The following OPHN1 variants were observed in gnomAD, a reference collection of about 807,000 sequenced individuals.
OPHN1 encodes oligophrenin-1.
OPHN1 carries 11 observed loss-of-function variants against 60.7 expected under a neutral mutation model. The observed-to-expected ratio is 0.18, with a 90% confidence interval of 0.11 to 0.30. The LOEUF (loss-of-function observed/expected upper bound fraction) is 0.30, where lower values mean the gene tolerates loss of function less well. Ranked by LOEUF, OPHN1 falls within the 10% of genes least tolerant of loss-of-function variation. The probability of loss-of-function intolerance (pLI) is 1.00; values close to 1 mark genes in which losing one functional copy is unlikely to be tolerated. For missense variants in OPHN1, 449 were observed against 611.0 expected (o/e 0.73, Z 2.80); for synonymous variants, 226 against 222.6 (o/e 1.02, Z -0.14).
chrX:68,421,739 T>C (rs1239619053), intron 2 of OPHN1, among the ~76,000 whole-genome samples: 3 of 112,025 alleles, frequency 2.7e-5, no homozygotes, highest in African/African-American at 9.7e-5. Flanking sequence ...AAGAACTGCC[T>C]TGGAGTTCCT....
At chrX:68,094,224 G>T (rs1361193351) in intron 19 of OPHN1, among the ~76,000 whole-genome samples, 1 of 111,031 alleles carries the variant, frequency 9.0e-6, no homozygotes, top group Non-Finnish European at 1.9e-5. Flanking sequence ...ACTCTGTAGG[G>T]CTATTTGTGG....
rs191743068 is a variant in OPHN1, at chrX:68,053,619, C to T, written c.2324+26G>A. The T allele has an allele frequency of 7.8e-4, 943 of 1,204,871 alleles. 1 individual carries two copies. The highest frequency in any genetic ancestry group is 8.6e-4 in the Non-Finnish European group (764 of 891,202). ...TAGTGGCCTAGTACAGGACTTCAGT[C>T]AACTTTGAGGTACAACCCTACTTAC... On this transcript the variant is annotated intron_variant, in intron 22 of 24. Transcript: ENST00000355520.
intron 15 of OPHN1, among the ~76,000 whole-genome samples, chrX:68,168,288 A>G (rs1211313299): frequency 2.7e-5 from 3 of 111,537 alleles, no homozygotes; most frequent in Non-Finnish European, 5.6e-5. Flanking sequence ...AAGATCAGAA[A>G]TTATAACAAA....
At chrX:68,354,301 T>C (rs1428347845) in intron 2 of OPHN1, among the ~76,000 whole-genome samples, 1 of 103,876 alleles carries the variant, frequency 9.6e-6, no homozygotes, top group African/African-American at 3.5e-5. Flanking sequence ...AAAAATTAGC[T>C]GGGCGTGGTT....
chrX:68,386,876 G>A (rs1393070829), intron 2 of OPHN1, among the ~76,000 whole-genome samples: 2 of 112,017 alleles, frequency 1.8e-5, no homozygotes, highest in Admixed American at 9.5e-5. Context: ...AGCTGTGTGG[G>A]TCGGTTTATT....
At position 68,116,714 on chromosome X, in the gene OPHN1, T is replaced by C. The variant is rs149291437; in HGVS notation, c.1361+2534A>G. ...TTCGACATATCCAAATTCCAACTTA[T>C]TGCCTCCCTCAAACTTAGTCTTCTT... On this transcript the variant is annotated intron_variant, in intron 16 of 24. Transcript: ENST00000355520. Among the ~76,000 whole-genome samples, 315 of 111,795 alleles carry C rather than the reference T, an allele frequency of 2.8e-3. 2 individuals carry two copies. Among genetic ancestry groups the C allele is most frequent in the African/African-American group, 9.5e-3 (294 of 30,798 alleles).
chrX:68,166,407 G>A (rs1373296056), intron 15 of OPHN1, among the ~76,000 whole-genome samples: 7 of 110,833 alleles, frequency 6.3e-5, no homozygotes, highest in Admixed American at 2.9e-4. Context: ...GGTGGCGGGC[G>A]CCTGTAATCC....
intron 18 of OPHN1, among the ~76,000 whole-genome samples, chrX:68,104,750 G>A (rs763141279): frequency 1.1e-4 from 12 of 111,942 alleles, no homozygotes; most frequent in African/African-American, 1.9e-4. Flanking sequence ...ATAGGCATGC[G>A]CAATGACTTC....
intron 2 of OPHN1, among the ~76,000 whole-genome samples, chrX:68,327,091 G>A (rs1222235895): frequency 5.1e-5 from 1 of 19,653 alleles, no homozygotes; most frequent in Non-Finnish European, 7.0e-5. Context: ...GCCTCTGCCC[G>A]GCCGCCCCTA....
chrX:68,239,280 G>A (rs2077768813), intron 5 of OPHN1, among the ~76,000 whole-genome samples: 2 of 111,346 alleles, frequency 1.8e-5, no homozygotes, highest in South Asian at 3.9e-4. Context: ...GTGTCCTCCT[G>A]GTATCTGCTG....
At position 68,379,754 on chromosome X, in the gene OPHN1, C is replaced by T. The variant is rs775971926; in HGVS notation, c.154+53113G>A. ...CATTCATTGATTTGCGTATATTGAACCAGCCTTGCATCCCAGGGATGAAGC... is the reference window on the plus strand; with the variant it reads ...CATTCATTGATTTGCGTATATTGAATCAGCCTTGCATCCCAGGGATGAAGC... On this transcript the variant is annotated intron_variant, in intron 2 of 24. Coordinates refer to ENST00000355520, the MANE Select transcript of OPHN1 (RefSeq NM_002547.3). 2.6e-3 allele frequency among the ~76,000 whole-genome samples: 281 copies of T among 109,213 alleles called. 2 individuals are homozygous for T. The highest frequency in any genetic ancestry group is 9.4e-3 in the African/African-American group (274 of 29,093). 94.8% of individuals were successfully genotyped at this position (109,213 alleles called of 115,157 possible). A position where few individuals can be genotyped will look rare whatever the true frequency, so the allele number is the denominator to read the frequency against.
chrX:68,156,311 A>C (rs1483793070), intron 15 of OPHN1, among the ~76,000 whole-genome samples: 1 of 109,399 alleles, frequency 9.1e-6, no homozygotes, highest in Non-Finnish European at 1.9e-5. Flanking sequence ...AGGTAAAAAA[A>C]AAAAAACACA....
Position 68,389,657 on chromosome X carries a change from TA to T in OPHN1, c.154+43209del, listed in dbSNP as rs34892434. On this transcript the variant is annotated intron_variant, in intron 2 of 24. Coordinates refer to ENST00000355520, the MANE Select transcript of OPHN1 (RefSeq NM_002547.3). ...GAAGATATTAATATGTGTGATTTAG[TA>T]AAAAAAAAAAAAGCCATAAAAATCA... 1.7e-3 allele frequency among the ~76,000 whole-genome samples: 148 copies of T among 88,529 alleles called. 1 individual carries two copies. The highest frequency in any genetic ancestry group is 5.5e-3 in the African/African-American group (134 of 24,311). 76.9% of individuals were successfully genotyped at this position (88,529 alleles called of 115,157 possible). A position where few individuals can be genotyped will look rare whatever the true frequency, so the allele number is the denominator to read the frequency against.
intron 19 of OPHN1, among the ~76,000 whole-genome samples, chrX:68,086,348 G>A (rs2076995856): frequency 9.0e-6 from 1 of 111,361 alleles, no homozygotes; most frequent in African/African-American, 3.3e-5. Context: ...AGGTGGAAAT[G>A]GTGGTACTAG....
At chrX:68,403,718 C>G in intron 2 of OPHN1, among the ~76,000 whole-genome samples, 1 of 109,940 alleles carries the variant, frequency 9.1e-6, no homozygotes, top group Non-Finnish European at 1.9e-5. Flanking sequence ...TCAAATGTGC[C>G]TTGTGTACGA....
chrX:68,374,226 C>T (rs2078544356), intron 2 of OPHN1, among the ~76,000 whole-genome samples: 1 of 109,135 alleles, frequency 9.2e-6, no homozygotes. Context: ...CGTGGTGCCG[C>T]ACGCATGTAG....
At chrX:68,096,792 A>G in intron 19 of OPHN1, 78 bp downstream of exon 19, 1 of 1,014,585 alleles carries the variant, frequency 9.9e-7, no homozygotes, top group Non-Finnish European at 1.4e-6. Context: ...GCCAAGGAGG[A>G]AGACACAGCA....
intron 6 of OPHN1, among the ~76,000 whole-genome samples, chrX:68,231,403 G>A (rs2077728297): frequency 9.0e-6 from 1 of 111,564 alleles, no homozygotes; most frequent in South Asian, 3.7e-4. Context: ...AGTTTCTTAC[G>A]ACACTAGATA....
intron 2 of OPHN1, among the ~76,000 whole-genome samples, chrX:68,324,707 A>G (rs1602326035): frequency 9.0e-6 from 1 of 110,796 alleles, no homozygotes; most frequent in East Asian, 2.8e-4. Context: ...AAATTACCTT[A>G]AAATGAATTT....
Sources: gnomAD v4.1 joint callset for allele counts (sites outside exome capture counted in the v4.1 genomes callset) on GRCh38, gnomAD v4.1.1 for gene constraint, MANE v1.5 for transcripts, NCBI Gene and HGNC (gene_info 2026-07-23, HGNC 2026-07-21) for gene names.